Variants in PGLYRP4 observed in about 807,000 individuals in gnomAD.
PGLYRP4 encodes the protein peptidoglycan recognition protein 4.
In PGLYRP4, 39 loss-of-function variants were observed where a neutral mutation model predicts 41.2. The observed-to-expected ratio is 0.95, with a 90% CI of 0.73 to 1.24. The LOEUF (loss-of-function observed/expected upper bound fraction) is 1.24, where lower values mean the gene tolerates loss of function less well. PGLYRP4 is among the 50% of genes most tolerant of loss of function. The pLI is 0.00. For missense variants in PGLYRP4, 467 were observed against 460.7 expected (o/e 1.01, Z -0.13); for synonymous variants, 202 against 186.8 (o/e 1.08, Z -0.66).
intron 8 of PGLYRP4, among the ~76,000 whole-genome samples, chr1:153,336,470 G>C (rs1660571338): frequency 6.6e-6 from 1 of 150,454 alleles, no homozygotes; most frequent in Admixed American, 6.6e-5. Context: ...TAAGTGAAAT[G>C]ACTCAAAAAC....
intron 7 of PGLYRP4, among the ~76,000 whole-genome samples, chr1:153,338,388 T>C (rs1660657977): frequency 1.3e-5 from 2 of 152,224 alleles, no homozygotes; most frequent in Admixed American, 1.3e-4. Context: ...CCTGGATTGC[T>C]GCACAGTCCT....
chr1:153,348,052 G>GCACCCA, intron 1 of PGLYRP4, 74 bp from the exon 2 acceptor site: 2 of 780,932 alleles, frequency 2.6e-6, no homozygotes, highest in Non-Finnish European at 4.3e-6. Context: ...GACTGCAGTG[G>GCACCCA]GTGCCATCTG....
At position 153,345,387 on chromosome 1, in the gene PGLYRP4, G is replaced by GGGAC; in HGVS notation, c.140-9_140-6dup. 1 of 1,613,510 alleles carries GGGAC rather than the reference G, an allele frequency of 6.2e-7. No individual in the cohort carries two copies. The highest frequency in any genetic ancestry group is 8.5e-7 in the Non-Finnish European group (1 of 1,179,468). ...TGGAGACATCTGTGGGAAGGCCTTG[G>GGGAC]GGACGTCACTCAGCGCACCTGCCCC... On this transcript the variant is annotated splice_polypyrimidine_tract_variant and splice_region_variant and intron_variant, in intron 3 of 8. Coordinates refer to ENST00000359650, the MANE Select transcript of PGLYRP4 (RefSeq NM_020393.4).
chr1:153,330,749 A>G lies in PGLYRP4; in HGVS notation c.*18T>C. 6.2e-7 allele frequency: 1 copy of G among 1,606,372 alleles called. No individual in the cohort carries two copies. The highest frequency in any genetic ancestry group is 2.2e-5 in the East Asian group (1 of 44,736). ...GACAGGGGAGGGAAAGCAGTCTCAG[A>G]AGGACCTGGGGCTTCTCTCAGTGTT... On this transcript the variant is annotated 3_prime_UTR_variant, in exon 9 of 9. Transcript: ENST00000359650.
At chr1:153,337,349 T>C in intron 7 of PGLYRP4, 50 bp from the exon 8 acceptor site, 1 of 1,091,206 alleles carries the variant, frequency 9.2e-7, no homozygotes, top group African/African-American at 1.6e-5. Context: ...TCTGGAATTG[T>C]TTCTCTCTTT....
chr1:153,345,033 T>A, intron 4 of PGLYRP4, 136 bp downstream of exon 4: 2 of 668,472 alleles, frequency 3.0e-6, no homozygotes, highest in East Asian at 5.5e-5. Flanking sequence ...TCATGGGGGT[T>A]TTAAATATTT....
At chr1:153,339,533 C>A (rs974557157) in intron 7 of PGLYRP4, among the ~76,000 whole-genome samples, 4 of 152,172 alleles carry the variant, frequency 2.6e-5, no homozygotes, top group Admixed American at 2.0e-4. Context: ...CTACCAGTAG[C>A]TTTTTCTGAG....
At chr1:153,343,427 T>C (rs1334060077) in intron 4 of PGLYRP4, among the ~76,000 whole-genome samples, 2 of 152,324 alleles carry the variant, frequency 1.3e-5, no homozygotes, top group Non-Finnish European at 2.9e-5. Context: ...CCTTCCCTTT[T>C]CAGAGGCTGC....
chr1:153,330,956 C>T lies in PGLYRP4; in HGVS notation c.944-11G>A, dbSNP rs752534819. The stretch of plus-strand genomic sequence containing the variant: ...CATTGGGTGGTATACCTGCAAAACA[C>T]AGCAGCCCATTGTCTACAGGATTAC... On this transcript the variant is annotated splice_polypyrimidine_tract_variant and intron_variant, in intron 8 of 8. Coordinates refer to ENST00000359650, the MANE Select transcript of PGLYRP4 (RefSeq NM_020393.4). The T allele has an allele frequency of 6.2e-7, 1 of 1,608,326 alleles. No homozygotes were observed. Among genetic ancestry groups the T allele is most frequent in the East Asian group, 2.2e-5 (1 of 44,722 alleles).
rs73014502 is a variant in PGLYRP4 at position 153,341,637 on chromosome 1, G to T, written c.615C>A (p.Ser205Arg). ...GAAGAAAGGTCTTACCCTTCTTCAG[G>T]CTTGTCTTCTGCCGAGGGGCCAGGC... The part of the protein sequence containing the change: ...ENCLAPRQKT[S>R]LKKACPGVVP... The change falls in exon 6 of 9, where the codon AGC becomes AGA. Residue 205 changes from serine to arginine, a missense_variant. Ser to Arg is a moderately radical substitution (Grantham distance 110, BLOSUM62 -1). Transcript: ENST00000359650. 896 of 1,612,322 alleles carry T rather than the reference G, an allele frequency of 5.6e-4. 1 individual carries two copies. The highest frequency in any genetic ancestry group is 6.5e-4 in the Non-Finnish European group (767 of 1,179,594).
At chr1:153,335,502 C>A (rs1470482928) in intron 8 of PGLYRP4, among the ~76,000 whole-genome samples, 2 of 152,122 alleles carry the variant, frequency 1.3e-5, no homozygotes, top group East Asian at 3.9e-4. Flanking sequence ...GCATCTTACA[C>A]CAGTCAGATT....
chr1:153,344,479 A>AT (rs1339270989), intron 4 of PGLYRP4, among the ~76,000 whole-genome samples: 1 of 152,158 alleles, frequency 6.6e-6, no homozygotes, highest in Admixed American at 6.5e-5. Flanking sequence ...CCAGGAAGGC[A>AT]TTCACTCCCT....
chr1:153,337,826 T>G (rs74947226), intron 7 of PGLYRP4, among the ~76,000 whole-genome samples: 2,831 of 152,198 alleles, frequency 0.019, 88 homozygotes, highest in African/African-American at 0.064. Flanking sequence ...CCCCAGTCTT[T>G]CCTGACTTGA....
chr1:153,341,627 C>G lies in PGLYRP4; in HGVS notation c.625G>C (p.Ala209Pro), dbSNP rs1660804236. ...APRQKTSLKKACPGVVPRSVW... is the reference protein window; with the variant it reads ...APRQKTSLKKPCPGVVPRSVW... ...CAGTAGGGCTGAAGAAAGGTCTTACCCTTCTTCAGGCTTGTCTTCTGCCGA... is the reference window on the plus strand; with the variant it reads ...CAGTAGGGCTGAAGAAAGGTCTTACGCTTCTTCAGGCTTGTCTTCTGCCGA... The change falls in exon 6 of 9, where the codon GCT (alanine) becomes CCT (proline). Residue 209 changes from alanine to proline, a missense_variant and splice_region_variant. Physicochemically the swap from Ala to Pro is conservative, Grantham distance 27 (BLOSUM62 -1). Coordinates refer to ENST00000359650, the MANE Select transcript of PGLYRP4 (RefSeq NM_020393.4). 3 of 1,611,034 alleles carry G rather than the reference C, an allele frequency of 1.9e-6. No homozygotes were observed. The East Asian group carries it at 6.7e-5, about 36-fold the overall frequency.
chr1:153,337,320 A>G, intron 7 of PGLYRP4, 21 bp from the exon 8 acceptor site: 1 of 1,392,526 alleles, frequency 7.2e-7, no homozygotes, highest in Non-Finnish European at 1.0e-6. Context: ...ACAAGGGGAG[A>G]TGGAGACCAG....
In PGLYRP4 at chr1:153,347,885, C is replaced by A. The variant is rs1181483182; in HGVS notation, c.48G>T (p.Trp16Cys). The change falls in exon 2 of 9, where the codon TGG becomes TGT. Residue 16 changes from tryptophan to cysteine, a missense_variant and splice_region_variant. Transcript: ENST00000359650. ...TTGGCCCAGGGAAAGAAAACTTACC[C>A]CAGGCCTGGATACCCAGAGCAGAGA... ...LVFSALGIQA[W>C]GDSSWNKTQA... 1 of 1,612,490 alleles carries A rather than the reference C, an allele frequency of 6.2e-7. No individual in the cohort carries two copies. Among genetic ancestry groups the A allele is most frequent in the Non-Finnish European group, 8.5e-7 (1 of 1,178,652 alleles).
chr1:153,332,264 A>G (rs1557821731), intron 8 of PGLYRP4, among the ~76,000 whole-genome samples: 1 of 152,204 alleles, frequency 6.6e-6, no homozygotes, highest in African/African-American at 2.4e-5. Flanking sequence ...ATAAGAAGCT[A>G]TAACAATCCT....
intron 8 of PGLYRP4, among the ~76,000 whole-genome samples, chr1:153,334,006 A>G (rs1033456750): frequency 6.6e-6 from 1 of 152,112 alleles, no homozygotes; most frequent in Non-Finnish European, 1.5e-5. Flanking sequence ...GAAAAAGACA[A>G]AGATGCCCAC....
In PGLYRP4 at chr1:153,341,643, C is replaced by G. The variant is rs1201322072; in HGVS notation, c.609G>C (p.Lys203Asn). Residue 203 changes from lysine to asparagine, a missense_variant, in exon 6 of 9, where the codon AAG becomes AAC. Transcript: ENST00000359650. Reference sequence around the variant, plus strand: ...AGGTCTTACCCTTCTTCAGGCTTGTCTTCTGCCGAGGGGCCAGGCAGTTCT... The same window carrying G: ...AGGTCTTACCCTTCTTCAGGCTTGTGTTCTGCCGAGGGGCCAGGCAGTTCT... ...KGENCLAPRQ[K>N]TSLKKACPGV... 5.6e-6 allele frequency: 9 copies of G among 1,612,734 alleles called. No individual in the cohort carries two copies. The highest frequency in any genetic ancestry group is 7.6e-6 in the Non-Finnish European group (9 of 1,179,744).
Sources: gnomAD v4.1 joint callset for allele counts (sites outside exome capture counted in the v4.1 genomes callset) on GRCh38, gnomAD v4.1.1 for gene constraint, MANE v1.5 for transcripts, NCBI Gene and HGNC (gene_info 2026-07-23, HGNC 2026-07-21) for gene names.